ST7: variants seen among roughly 807,000 people sequenced by gnomAD.
ST7 encodes the protein suppressor of tumorigenicity 7 protein.
Under a neutral mutation model 78.7 loss-of-function variants are expected in ST7, and 28 were observed. The ratio of observed to expected loss-of-function variants is 0.36; its 90% confidence interval spans 0.26 to 0.49. The LOEUF is 0.49. Among genes scored for constraint, ST7 ranks in the 20% least tolerant of loss-of-function variants. The pLI is 0.99. For synonymous variants in ST7, 247 were observed against 249.6 expected, an observed-to-expected ratio of 0.99 and a Z score of 0.10; for missense variants, 418 against 696.0, an observed-to-expected ratio of 0.60 and a Z score of 4.49.
chr7:117,089,611 G>A (rs1484396062), intron 1 of ST7, among the ~76,000 whole-genome samples: 10 of 145,914 alleles, frequency 6.9e-5, no homozygotes, highest in African/African-American at 1.5e-4. Context: ...TCGCTCTGTC[G>A]CCCAGGCTGG....
At chr7:117,075,679 C>T (rs1470294679) in intron 1 of ST7, among the ~76,000 whole-genome samples, 1 of 152,164 alleles carries the variant, frequency 6.6e-6, no homozygotes, top group Non-Finnish European at 1.5e-5. Context: ...CTGTCATCTC[C>T]CTGCCTTTAG....
intron 1 of ST7, among the ~76,000 whole-genome samples, chr7:117,058,086 A>G (rs1047082326): frequency 1.3e-5 from 2 of 152,150 alleles, no homozygotes; most frequent in East Asian, 3.8e-4. Flanking sequence ...CTTTATTGTT[A>G]TATTTGCTAG....
intron 1 of ST7, among the ~76,000 whole-genome samples, chr7:117,065,881 C>T (rs958216845): frequency 1.1e-4 from 17 of 152,196 alleles, no homozygotes; most frequent in African/African-American, 4.1e-4. Context: ...CTGGCTCCTG[C>T]TTACCTCTCC....
At chr7:117,143,568 G>T (rs1024407203) in intron 9 of ST7, among the ~76,000 whole-genome samples, 1 of 152,116 alleles carries the variant, frequency 6.6e-6, no homozygotes, top group African/African-American at 2.4e-5. Flanking sequence ...CCTAGGCATT[G>T]TTCTAGGTGC....
intron 10 of ST7, among the ~76,000 whole-genome samples, chr7:117,183,164 G>C (rs985918582): frequency 7.2e-5 from 11 of 152,014 alleles, no homozygotes; most frequent in Non-Finnish European, 1.3e-4. Context: ...GGTGGCTCAT[G>C]CCTGTAATCC....
intron 1 of ST7, among the ~76,000 whole-genome samples, chr7:117,081,501 G>A (rs906181370): frequency 1.3e-5 from 2 of 151,910 alleles, no homozygotes; most frequent in Admixed American, 6.6e-5. Context: ...GATTTGGCAC[G>A]ACCTGTAGCA....
intron 2 of ST7, among the ~76,000 whole-genome samples, chr7:117,104,899 C>A (rs1204345833): frequency 6.6e-6 from 1 of 152,022 alleles, no homozygotes; most frequent in Non-Finnish European, 1.5e-5. Context: ...AGAGTGATTA[C>A]CCAATATCTC....
chr7:117,101,651 A>G (rs1000673637), intron 2 of ST7, among the ~76,000 whole-genome samples: 3 of 152,222 alleles, frequency 2.0e-5, no homozygotes, highest in African/African-American at 7.2e-5. Flanking sequence ...TTTATTTTGC[A>G]TAACTCTCTA....
chr7:116,968,158 G>A (rs1793219558), intron 1 of ST7, among the ~76,000 whole-genome samples: 1 of 151,764 alleles, frequency 6.6e-6, no homozygotes, highest in Non-Finnish European at 1.5e-5. Flanking sequence ...ATACTGATTC[G>A]TTGCACTATA....
At chr7:117,091,931 C>A (rs1052931752) in intron 1 of ST7, among the ~76,000 whole-genome samples, 1 of 152,054 alleles carries the variant, frequency 6.6e-6, no homozygotes, top group South Asian at 2.1e-4. Flanking sequence ...AGGCTGTTGG[C>A]AGTAATCATT....
chr7:117,224,215 G>A (rs544989629), intron 15 of ST7, among the ~76,000 whole-genome samples: 13 of 152,142 alleles, frequency 8.5e-5, no homozygotes, highest in African/African-American at 2.9e-4. Context: ...TATATTGAGG[G>A]TACACCAAGC....
chr7:117,097,908 A>ATATATATATATATATATATATATT, intron 1 of ST7, among the ~76,000 whole-genome samples: 2 of 30,012 alleles, frequency 6.7e-5, no homozygotes, highest in African/African-American at 1.6e-4. Flanking sequence ...ATATATATAT[A>ATATATATATATATATATATATATT]TTTTTTTTTT....
At chr7:117,074,128 C>A (rs1410409629) in intron 1 of ST7, among the ~76,000 whole-genome samples, 1 of 152,180 alleles carries the variant, frequency 6.6e-6, no homozygotes, top group Non-Finnish European at 1.5e-5. Flanking sequence ...TGGTAGCTCA[C>A]ACCTGTAATC....
At chr7:117,081,991 G>C (rs1487335575) in intron 1 of ST7, among the ~76,000 whole-genome samples, 3 of 152,138 alleles carry the variant, frequency 2.0e-5, no homozygotes, top group Non-Finnish European at 2.9e-5. Flanking sequence ...TAATCAGGAA[G>C]GGCAGGCTGG....
chr7:117,169,119 C>T (rs193558), intron 9 of ST7, among the ~76,000 whole-genome samples: 3,242 of 116,722 alleles, frequency 0.028, 142 homozygotes, highest in African/African-American at 0.13. Context: ...ATTTTACCTT[C>T]TTTTTTTAAT....
In ST7 at chr7:117,166,914, A is replaced by G. The variant is rs141992628; in HGVS notation, c.964-3948A>G. Among the ~76,000 whole-genome samples the G allele has an allele frequency of 2.5e-3, 379 of 151,928 alleles. 1 individual carries two copies. Among genetic ancestry groups the G allele is most frequent in the Middle Eastern group, 0.017 (5 of 294 alleles). ...TCAAAAAAAAAAAAGCCTTTATGAC[A>G]ATATTGGAAGGGTGGATTGGAAAGA... On this transcript the variant is annotated intron_variant, in intron 9 of 15. Coordinates refer to ENST00000323984, the MANE Select transcript of ST7 (RefSeq NM_001369598.1).
At chr7:117,097,822 C>CTA (rs372192783) in intron 1 of ST7, among the ~76,000 whole-genome samples, 10,078 of 99,060 alleles carry the variant, frequency 0.1, 741 homozygotes, top group African/African-American at 0.19. Context: ...TGACATATCA[C>CTA]TATATATATA....
rs1429803226 is a variant in ST7 at position 117,219,168 on chromosome 7, T to C, written c.1490T>C (p.Leu497Pro). ...TGTACAGAAACAGCAGACCGAGAGC[T>C]GCTTCCATGTAAGTCTCACCTCTCT... ...PICTETADRE[L>P]LPSFHEVSVY... Residue 497 changes from leucine to proline, a missense_variant, in exon 14 of 16, where the codon CTG becomes CCG. Physicochemically the swap from Leu to Pro is moderately conservative, Grantham distance 98 (BLOSUM62 -3). Transcript: ENST00000323984. The surrounding 1 kb of genome is among the most constrained non-coding windows in gnomAD (Gnocchi z 5.1). 1 of 1,612,888 alleles carries C rather than the reference T, an allele frequency of 6.2e-7. No homozygotes were observed. Among genetic ancestry groups the C allele is most frequent in the Admixed American group, 1.7e-5 (1 of 59,858 alleles).
rs57348179 is a variant in ST7 at position 117,202,738 on chromosome 7, GC to G, written c.1255-7047del. Among the ~76,000 whole-genome samples, 151 of 152,254 alleles carry G rather than the reference GC, an allele frequency of 9.9e-4. 1 individual carries two copies. The East Asian group carries it at 0.024, about 24-fold the overall frequency. ...AAACTGCACAACTCACTTCCCAATT[GC>G]CTATGGCAGTGATTTCCAAACTGTC... On this transcript the variant is annotated intron_variant, in intron 12 of 15. Coordinates refer to ENST00000323984, the MANE Select transcript of ST7 (RefSeq NM_001369598.1).
Sources: gnomAD v4.1 joint callset for allele counts (sites outside exome capture counted in the v4.1 genomes callset) on GRCh38, gnomAD v4.1.1 for gene constraint, Gnocchi (gnomAD v3.1) non-coding constraint, MANE v1.5 for transcripts, NCBI Gene and HGNC (gene_info 2026-07-23, HGNC 2026-07-21) for gene names.